Variants in ANXA8 observed in about 807,000 individuals in gnomAD.
ANXA8 encodes the protein annexin A8, also known as VAC-beta.
Under a neutral mutation model 26.8 loss-of-function variants are expected in ANXA8, and 9 were observed. That is an observed-to-expected ratio of 0.34 (90% CI 0.20 to 0.59). ANXA8 has a LOEUF of 0.59. Ranked by LOEUF, ANXA8 falls within the 20% of genes least tolerant of loss-of-function variation. The pLI is 0.84. For missense variants in ANXA8, 83 were observed against 238.5 expected, an observed-to-expected ratio of 0.35 and a Z score of 4.29; for synonymous variants, 39 against 94.8, an observed-to-expected ratio of 0.41 and a Z score of 3.42.
chr10:47,968,306 G>A, the ANXA8 span, among the ~76,000 whole-genome samples: 2 of 150,838 alleles, frequency 1.3e-5, no homozygotes, highest in Admixed American at 1.3e-4. Flanking sequence ...TGGTTTCATG[G>A]TTTTGCAAAG....
At chr10:47,930,030 C>T in the ANXA8 span, among the ~76,000 whole-genome samples, 2 of 152,162 alleles carry the variant, frequency 1.3e-5, no homozygotes, top group East Asian at 3.9e-4. Context: ...TTCCCACTAC[C>T]CTTCCCCTCA....
At chr10:47,743,708 C>G in the ANXA8 span, among the ~76,000 whole-genome samples, 3 of 149,552 alleles carry the variant, frequency 2.0e-5, no homozygotes, top group African/African-American at 5.0e-5. Context: ...GGCTGTCGCT[C>G]GGGTCCGGCT....
chr10:47,776,551 C>G, the ANXA8 span, among the ~76,000 whole-genome samples: 9 of 152,030 alleles, frequency 5.9e-5, no homozygotes, highest in South Asian at 1.9e-3. Flanking sequence ...GTGGCTTCAT[C>G]GCCACATTCC....
At chr10:47,577,204 G>A in the ANXA8 span, among the ~76,000 whole-genome samples, 13 of 137,552 alleles carry the variant, frequency 9.5e-5, no homozygotes, top group African/African-American at 2.6e-4. Context: ...CAGCCTGGGC[G>A]ACAGAGCAAG....
the ANXA8 span, among the ~76,000 whole-genome samples, chr10:47,622,083 T>G: frequency 2.7e-5 from 3 of 111,690 alleles, no homozygotes; most frequent in African/African-American, 7.0e-5. Context: ...AATGTATAGG[T>G]TATAAAGAAA....
chr10:47,957,489 G>A, the ANXA8 span, among the ~76,000 whole-genome samples: 7 of 150,678 alleles, frequency 4.6e-5, no homozygotes, highest in Non-Finnish European at 7.4e-5. Context: ...CTAGGGGACC[G>A]GCTTCTTGTT....
At chr10:47,623,611 T>C in the ANXA8 span, among the ~76,000 whole-genome samples, 1 of 110,518 alleles carries the variant, frequency 9.0e-6, no homozygotes, top group East Asian at 2.2e-4. Context: ...AACAAAGTCT[T>C]AAAACCCATG....
the ANXA8 span, among the ~76,000 whole-genome samples, chr10:47,942,858 C>T: frequency 1.4e-5 from 2 of 144,924 alleles, no homozygotes; most frequent in South Asian, 4.4e-4. Flanking sequence ...TAGTGGGGAG[C>T]CAGGCAGCCT....
At chr10:47,656,109 G>A in the ANXA8 span, among the ~76,000 whole-genome samples, 6 of 150,506 alleles carry the variant, frequency 4.0e-5, no homozygotes, top group Non-Finnish European at 7.4e-5. Context: ...TTTTAAAAAC[G>A]TTTTAGGCTG....
the ANXA8 span, among the ~76,000 whole-genome samples, chr10:47,546,257 A>T: frequency 4.3e-5 from 6 of 139,102 alleles, no homozygotes; most frequent in African/African-American, 1.6e-4. Flanking sequence ...ATACAATGGA[A>T]ACCTCTAACT....
At chr10:47,579,837 G>C in the ANXA8 span, among the ~76,000 whole-genome samples, 1 of 135,000 alleles carries the variant, frequency 7.4e-6, no homozygotes, top group Admixed American at 7.6e-5. Context: ...TTTTATGTTC[G>C]TAAGAGAGTC....
the ANXA8 span, chr10:47,726,761 T>C: frequency 2.2e-6 from 2 of 907,870 alleles, no homozygotes; most frequent in East Asian, 2.5e-5. Context: ...ACCAAGTGCT[T>C]TTTGGAATTA....
At chr10:47,622,466 G>T in the ANXA8 span, among the ~76,000 whole-genome samples, 1 of 95,646 alleles carries the variant, frequency 1.0e-5, no homozygotes, top group African/African-American at 4.6e-5. Flanking sequence ...ATTGTGAGAA[G>T]TACCTGACAG....
At chr10:47,511,034 C>G in the ANXA8 span, among the ~76,000 whole-genome samples, 1 of 126,666 alleles carries the variant, frequency 7.9e-6, no homozygotes, top group Admixed American at 8.2e-5. Context: ...AGCTCCGCCT[C>G]CCGGGTTCAC....
the ANXA8 span, among the ~76,000 whole-genome samples, chr10:47,506,790 C>A: frequency 7.0e-6 from 1 of 143,850 alleles, no homozygotes; most frequent in Non-Finnish European, 1.5e-5. Flanking sequence ...CAGGTGCGTG[C>A]CACCATGCCC....
the ANXA8 span, among the ~76,000 whole-genome samples, chr10:47,977,404 A>G: frequency 6.6e-6 from 1 of 151,472 alleles, no homozygotes; most frequent in East Asian, 1.9e-4. Flanking sequence ...AAAAAATATG[A>G]GAAATACAAA....
the ANXA8 span, among the ~76,000 whole-genome samples, chr10:47,655,708 A>G: frequency 6.6e-6 from 1 of 151,970 alleles, no homozygotes; most frequent in Non-Finnish European, 1.5e-5. Context: ...AGTGAACATC[A>G]GAGAGTGTCA....
chr10:47,936,984 G>C, the ANXA8 span, among the ~76,000 whole-genome samples: 1 of 149,872 alleles, frequency 6.7e-6, no homozygotes, highest in Non-Finnish European at 1.5e-5. Context: ...TTGCTAAAGG[G>C]AGGCTGCTCT....
chr10:47,565,250 T>C, the ANXA8 span: 1 of 581,292 alleles, frequency 1.7e-6, no homozygotes, highest in South Asian at 2.0e-5. Context: ...CCCACTGCCA[T>C]GGCTGCCACC....
Sources: allele counts gnomAD v4.1 joint callset (sites outside exome capture counted in the v4.1 genomes callset), GRCh38; gene constraint gnomAD v4.1.1; transcripts MANE v1.5; gene names NCBI Gene and HGNC (gene_info 2026-07-23, HGNC 2026-07-21).